PTPRG: variants seen among roughly 807,000 people sequenced by gnomAD.
PTPRG encodes protein tyrosine phosphatase receptor type G.
PTPRG carries 102 observed loss-of-function variants against 165.3 expected under a neutral mutation model. The ratio of observed to expected loss-of-function variants is 0.62; its 90% CI spans 0.53 to 0.73. The LOEUF is 0.73. PTPRG is among the 30% of genes least tolerant of loss of function. PTPRG has a pLI of 0.00. For synonymous variants in PTPRG, 675 were observed against 669.5 expected, an observed-to-expected ratio of 1.01 and a Z score of -0.13; for missense variants, 1,866 against 1,861.4, an observed-to-expected ratio of 1.00 and a Z score of -0.05.
chr3:62,194,897 C>T (rs1699922158), intron 9 of PTPRG, among the ~76,000 whole-genome samples, 165 bp from the exon 10 acceptor site: 1 of 152,134 alleles, frequency 6.6e-6, no homozygotes, highest in South Asian at 2.1e-4. Flanking sequence ...AAAATAGATT[C>T]CCAGGCAGGG....
intron 2 of PTPRG, among the ~76,000 whole-genome samples, chr3:61,970,929 T>G (rs904314511): frequency 1.3e-5 from 2 of 152,232 alleles, no homozygotes; most frequent in Non-Finnish European, 2.9e-5. Context: ...GCCACTTATT[T>G]CTGAAACTGT....
chr3:61,715,943 G>A (rs2031788706), intron 1 of PTPRG, among the ~76,000 whole-genome samples: 1 of 151,872 alleles, frequency 6.6e-6, no homozygotes, highest in African/African-American at 2.4e-5. Flanking sequence ...GATAAGCAGA[G>A]TCAGTACTCA....
At chr3:61,626,737 T>TG (rs1701619595) in intron 1 of PTPRG, among the ~76,000 whole-genome samples, 1 of 152,106 alleles carries the variant, frequency 6.6e-6, no homozygotes, top group Non-Finnish European at 1.5e-5. Flanking sequence ...TAAAGGCTGG[T>TG]GGGGGAGAAG....
intron 1 of PTPRG, among the ~76,000 whole-genome samples, chr3:61,664,684 A>T (rs1469784639): frequency 3.3e-5 from 5 of 152,160 alleles, no homozygotes; most frequent in Admixed American, 3.3e-4. Flanking sequence ...TACAAAAATT[A>T]GTCAGGTGTG....
intron 4 of PTPRG, among the ~76,000 whole-genome samples, chr3:62,057,164 T>C (rs1700660726): frequency 6.6e-6 from 1 of 152,180 alleles, no homozygotes. Context: ...GATCAGAGTT[T>C]TAATGGGCCT....
rs1466067385 is a variant in PTPRG, at chr3:62,190,621, C to G, written c.1034-848C>G. 6.6e-6 allele frequency among the ~76,000 whole-genome samples: 1 copy of G among 152,208 alleles called. No individual in the cohort carries two copies. Reference sequence around the variant, plus strand: ...GTCAGGATAATTACACGGGGTTCTGCTGTTCCAGAGAAAGTCATCCTTGTG... The same window carrying G: ...GTCAGGATAATTACACGGGGTTCTGGTGTTCCAGAGAAAGTCATCCTTGTG... On this transcript the variant is annotated intron_variant, in intron 8 of 29. Transcript: ENST00000474889. This position sits in a 1 kb window ranked among gnomAD's most constrained non-coding sequence, Gnocchi z 5.2.
intron 4 of PTPRG, among the ~76,000 whole-genome samples, chr3:62,008,465 A>G (rs2041346006): frequency 6.6e-6 from 1 of 152,238 alleles, no homozygotes; most frequent in Non-Finnish European, 1.5e-5. Flanking sequence ...AGCTCTGTTC[A>G]GAGCATTTTA....
intron 2 of PTPRG, among the ~76,000 whole-genome samples, chr3:61,970,488 G>A (rs2040358889): frequency 6.6e-6 from 1 of 152,112 alleles, no homozygotes; most frequent in Non-Finnish European, 1.5e-5. Context: ...CAAATTATAA[G>A]TAATACTTGA....
chr3:62,206,596 TG>T (rs1432202538), intron 12 of PTPRG, among the ~76,000 whole-genome samples: 2 of 152,062 alleles, frequency 1.3e-5, no homozygotes, highest in African/African-American at 4.8e-5. Context: ...CTATTGTCTG[TG>T]GACATTAAAG....
chr3:61,926,379 C>T (rs548100689), intron 2 of PTPRG, among the ~76,000 whole-genome samples: 75 of 151,970 alleles, frequency 4.9e-4, no homozygotes, highest in Non-Finnish European at 9.1e-4. Context: ...TAGCACCTCC[C>T]CCTCCTCTCT....
At chr3:62,139,774 C>T (rs1293334047) in intron 6 of PTPRG, among the ~76,000 whole-genome samples, 4 of 152,344 alleles carry the variant, frequency 2.6e-5, no homozygotes, top group African/African-American at 7.2e-5. Context: ...TGGGGTCTCC[C>T]TCCACCTTTT....
At chr3:62,104,926 A>G (rs941111202) in intron 5 of PTPRG, among the ~76,000 whole-genome samples, 1 of 152,214 alleles carries the variant, frequency 6.6e-6, no homozygotes, top group Non-Finnish European at 1.5e-5. Context: ...AATCAAAACA[A>G]TAACATTGCT....
At chr3:62,104,125 A>G (rs552006455) in intron 5 of PTPRG, among the ~76,000 whole-genome samples, 3 of 152,354 alleles carry the variant, frequency 2.0e-5, no homozygotes, top group Middle Eastern at 6.8e-3. Flanking sequence ...ACTTCCTGCC[A>G]AAACGCAAGA....
chr3:61,624,540 C>T (rs911851761), intron 1 of PTPRG, among the ~76,000 whole-genome samples: 2 of 152,174 alleles, frequency 1.3e-5, no homozygotes, highest in African/African-American at 4.8e-5. Context: ...CCAAGGGCAT[C>T]GCAAAGACAT....
intron 6 of PTPRG, among the ~76,000 whole-genome samples, chr3:62,147,933 CAGG>C (rs1704182923): frequency 6.6e-6 from 1 of 151,978 alleles, no homozygotes; most frequent in Admixed American, 6.5e-5. Flanking sequence ...AGCCAGGCGG[CAGG>C]AGTTCAAGAC....
At chr3:61,804,384 T>C (rs946076460) in intron 2 of PTPRG, among the ~76,000 whole-genome samples, 3 of 152,298 alleles carry the variant, frequency 2.0e-5, no homozygotes, top group Middle Eastern at 3.4e-3. Context: ...GTCACCTGAG[T>C]AACCAATTTC....
At chr3:61,865,290 A>G (rs2037374420) in intron 2 of PTPRG, among the ~76,000 whole-genome samples, 1 of 152,200 alleles carries the variant, frequency 6.6e-6, no homozygotes, top group South Asian at 2.1e-4. Flanking sequence ...CAACAGCAGT[A>G]ATAATAGCAG....
chr3:61,985,558 G>T (rs1364255889), intron 2 of PTPRG, among the ~76,000 whole-genome samples: 1 of 152,184 alleles, frequency 6.6e-6, no homozygotes, highest in African/African-American at 2.4e-5. Flanking sequence ...TTGTACAGAG[G>T]AGGGGCTGTG....
intron 2 of PTPRG, among the ~76,000 whole-genome samples, chr3:61,861,751 C>A (rs988478483): frequency 7.2e-5 from 11 of 152,110 alleles, no homozygotes; most frequent in Non-Finnish European, 1.5e-4. Flanking sequence ...CTTCAACTGG[C>A]ATGGGGGCAT....
Sources: gnomAD v4.1 joint callset for allele counts (sites outside exome capture counted in the v4.1 genomes callset) on GRCh38, gnomAD v4.1.1 for gene constraint, Gnocchi (gnomAD v3.1) non-coding constraint, MANE v1.5 for transcripts, NCBI Gene and HGNC (gene_info 2026-07-23, HGNC 2026-07-21) for gene names.